Variants in PRPF40B observed in about 807,000 individuals in gnomAD.
PRPF40B encodes the protein pre-mRNA-processing factor 40 homolog B.
A neutral mutation model predicts 124.5 loss-of-function variants in PRPF40B; 56 were observed. The ratio of observed to expected loss-of-function variants is 0.45; its 90% confidence interval spans 0.36 to 0.56. PRPF40B has a LOEUF of 0.56. Among genes scored for constraint, PRPF40B ranks in the 20% least tolerant of loss-of-function variants. PRPF40B has a pLI of 0.00. For missense variants in PRPF40B, 1,053 were observed against 1,169.5 expected (o/e 0.90, Z 1.45); for synonymous variants, 443 against 426.4 (o/e 1.04, Z -0.48).
chr12:49,634,020 A>G lies in PRPF40B; in HGVS notation c.740A>G (p.Asp247Gly), dbSNP rs978697872. Residue 247 changes from aspartate to glycine, a missense_variant, in exon 10 of 26, where the codon GAT (aspartate) becomes GGT (glycine). Transcript: ENST00000548825. ...GAACCTGAGCCAGGTGGGAGTGAAGATTGTGATGTGTTGGAGGCCACCCAG... is the reference window on the plus strand; with the variant it reads ...GAACCTGAGCCAGGTGGGAGTGAAGGTTGTGATGTGTTGGAGGCCACCCAG... ...LLEPEPGGSE[D>G]CDVLEATQPL... The G allele has an allele frequency of 2.5e-5, 41 of 1,613,882 alleles. No individual in the cohort carries two copies. Among genetic ancestry groups the G allele is most frequent in the Non-Finnish European group, 3.5e-5 (41 of 1,179,960 alleles).
upstream of PRPF40B, among the ~76,000 whole-genome samples, chr12:49,623,241 T>C (rs1415545973): frequency 6.6e-6 from 1 of 151,834 alleles, no homozygotes; most frequent in Non-Finnish European, 1.5e-5. Context: ...CTTCGGCTCC[T>C]GGAGCGCCGG....
intron 1 of PRPF40B, chr12:49,624,239 T>C: frequency 2.3e-6 from 2 of 879,214 alleles, no homozygotes; most frequent in Non-Finnish European, 2.7e-6. Flanking sequence ...TGCATGAAAA[T>C]TAAATCCCAG....
chr12:49,640,207 T>A (rs1428755026), intron 18 of PRPF40B: 2 of 152,200 alleles, frequency 1.3e-5, no homozygotes, highest in East Asian at 3.8e-4. Flanking sequence ...GGCAGACAGA[T>A]CCGGGTCAGG....
In PRPF40B at chr12:49,643,761, A is replaced by C; in HGVS notation, c.2442+9A>C. 6.2e-7 allele frequency: 1 copy of C among 1,613,968 alleles called. No homozygotes were observed. Among genetic ancestry groups the C allele is most frequent in the African/African-American group, 1.3e-5 (1 of 74,994 alleles). ...AGAGAAGACACAAGTCGGTGAGTGA[A>C]GGAACTTCTACCTAAGCCCCTGCTA... On this transcript the variant is annotated intron_variant, in intron 24 of 25. Coordinates refer to ENST00000548825, the MANE Select transcript of PRPF40B (RefSeq NM_001031698.3).
At chr12:49,640,225 A>G (rs541032868) in intron 18 of PRPF40B, 1 of 152,372 alleles carries the variant, frequency 6.6e-6, no homozygotes, top group African/African-American at 2.4e-5. Flanking sequence ...AGGGAGATCC[A>G]TGGAGGATGC....
At chr12:49,625,038 C>CT (rs201124394) in intron 1 of PRPF40B, among the ~76,000 whole-genome samples, 20 of 151,820 alleles carry the variant, frequency 1.3e-4, no homozygotes, top group East Asian at 3.9e-4. Flanking sequence ...GTCTCTCAGC[C>CT]TTTTTTTTGA....
intron 12 of PRPF40B, 163 bp downstream of exon 12, chr12:49,634,765 A>G: frequency 2.6e-6 from 2 of 765,500 alleles, no homozygotes; most frequent in Non-Finnish European, 4.2e-6. Context: ...GGCCTCCAGG[A>G]GAAGGAAAGG....
Position 49,635,868 on chromosome 12 carries a change from G to A in PRPF40B, c.1301G>A (p.Arg434His), listed in dbSNP as rs145239236. 5.3e-5 allele frequency: 86 copies of A among 1,613,888 alleles called. No homozygotes were observed. The highest frequency in any genetic ancestry group is 1.2e-4 in the African/African-American group (9 of 74,964). ...EKEQAKQLRR[R>H]NIQALKSILD... is the part of the protein sequence containing the mutation. ...GAACAGGCCAAGCAGCTCCGGCGCC[G>A]CAATATCCAGGCCCTAAAGAGCATC... The change falls in exon 15 of 26, where the codon CGC becomes CAC. Residue 434 changes from arginine to histidine, a missense_variant. By Grantham distance (29) the Arg-to-His change is conservative. Transcript: ENST00000548825. This position sits in a 1 kb window ranked among gnomAD's most constrained non-coding sequence, Gnocchi z 4.1.
intron 1 of PRPF40B, among the ~76,000 whole-genome samples, chr12:49,624,567 G>C (rs1009228170): frequency 3.9e-5 from 6 of 152,180 alleles, no homozygotes; most frequent in African/African-American, 1.2e-4. Flanking sequence ...GAAGCAACAG[G>C]GGCCGGGCGC....
Position 49,635,339 on chromosome 12 carries a change from C to T in PRPF40B, c.1167-26C>T. 1 of 1,610,012 alleles carries T rather than the reference C, an allele frequency of 6.2e-7. No individual in the cohort carries two copies. Among genetic ancestry groups the T allele is most frequent in the South Asian group, 1.1e-5 (1 of 90,408 alleles). On this transcript the variant is annotated intron_variant, in intron 13 of 25. Coordinates refer to ENST00000548825, the MANE Select transcript of PRPF40B (RefSeq NM_001031698.3). This position sits in a 1 kb window ranked among gnomAD's most constrained non-coding sequence, Gnocchi z 4.1. ...TCCAGGGTCTCTGTTCTCTGTCTAC[C>T]TACTCACAGCTTATATGCTCCACAG...
chr12:49,623,579 G>C lies in PRPF40B; in HGVS notation c.-12G>C. The stretch of plus-strand genomic sequence containing the variant: ...GTGGGCTGAGCCGGCCCAGCTGCTC[G>C]GAGGCTCTGGCATGGTAACATCCCC... On this transcript the variant is annotated 5_prime_UTR_variant, in exon 1 of 26. Transcript: ENST00000548825. The C allele has an allele frequency of 8.1e-7, 1 of 1,235,954 alleles. No homozygotes were observed. The highest frequency in any genetic ancestry group is 1.0e-6 in the Non-Finnish European group (1 of 990,346). 76.6% of individuals were successfully genotyped at this position (1,235,954 alleles called of 1,614,324 possible).
At chr12:49,623,865 G>C in intron 1 of PRPF40B, 1 of 1,174,580 alleles carries the variant, frequency 8.5e-7, no homozygotes, top group Non-Finnish European at 1.1e-6. Flanking sequence ...TGGGAGAGGT[G>C]GGGGTGGGTT....
chr12:49,632,558 C>A, intron 4 of PRPF40B, 38 bp from the exon 5 acceptor site: 1 of 1,609,940 alleles, frequency 6.2e-7, no homozygotes, highest in South Asian at 1.1e-5. Flanking sequence ...GGCCACTGGG[C>A]TTGGCCCCAA....
chr12:49,636,201 G>T (rs1941783663), intron 15 of PRPF40B, among the ~76,000 whole-genome samples: 1 of 152,146 alleles, frequency 6.6e-6, no homozygotes, highest in African/African-American at 2.4e-5. Flanking sequence ...TCCACTCTTG[G>T]CCTAGACATT....
chr12:49,630,644 C>A lies in PRPF40B; in HGVS notation c.84+19C>A. 1 of 1,208,482 alleles carries A rather than the reference C, an allele frequency of 8.3e-7. No individual in the cohort carries two copies. Among genetic ancestry groups the A allele is most frequent in the South Asian group, 1.2e-5 (1 of 81,340 alleles). The allele number at this position is 1,208,482 out of a possible 1,614,324, so 74.9% of individuals were successfully genotyped here. A position where few individuals can be genotyped will look rare whatever the true frequency, so the allele number is the denominator to read the frequency against. The stretch of plus-strand genomic sequence containing the variant: ...ACCCTTCGTAAGTTTTATGTCTTTC[C>A]CTGGGCTTGGCTTTTCCAGCCTGCA... On this transcript the variant is annotated intron_variant, in intron 2 of 25. Transcript: ENST00000548825.
At chr12:49,641,608 G>C (rs1198841034) in intron 18 of PRPF40B, 1 of 373,166 alleles carries the variant, frequency 2.7e-6, no homozygotes, top group Non-Finnish European at 4.9e-6. Flanking sequence ...CCCAGCTGGG[G>C]CCAGAGCTTT....
At chr12:49,627,951 T>A (rs1940873837) in intron 1 of PRPF40B, among the ~76,000 whole-genome samples, 1 of 152,096 alleles carries the variant, frequency 6.6e-6, no homozygotes, top group Non-Finnish European at 1.5e-5. Context: ...AGGTTTCCAT[T>A]TGGACAATTG....
rs373588661 is a variant in PRPF40B, at chr12:49,642,256, C to G, written c.1906C>G (p.Arg636Gly). 1 of 1,614,108 alleles carries G rather than the reference C, an allele frequency of 6.2e-7. No individual in the cohort carries two copies. The highest frequency in any genetic ancestry group is 1.1e-5 in the South Asian group (1 of 91,086). ...FNSLLEKAEAREREREKEEAR... is the reference protein window; with the variant it reads ...FNSLLEKAEAGEREREKEEAR... ...TCAGCTGCTGGAGAAAGCAGAGGCA[C>G]GGGAGAGGGAGCGGGAGAAGGAGGA... Residue 636 changes from arginine to glycine, a missense_variant, in exon 20 of 26, where the codon CGG becomes GGG. Around this residue, in one of 2 missense-constraint regions of PRPF40B, gnomAD observed 895 missense variants for 1,052.2 expected, o/e 0.85. Coordinates refer to ENST00000548825, the MANE Select transcript of PRPF40B (RefSeq NM_001031698.3). This position sits in a 1 kb window ranked among gnomAD's most constrained non-coding sequence, Gnocchi z 5.8.
Position 49,631,803 on chromosome 12 carries a change from C to T in PRPF40B, c.229-57C>T. 6.6e-7 allele frequency: 1 copy of T among 1,510,012 alleles called. No individual in the cohort carries two copies. The highest frequency in any genetic ancestry group is 1.4e-5 in the African/African-American group (1 of 72,790). 93.5% of individuals were successfully genotyped at this position (1,510,012 alleles called of 1,614,324 possible). A position where few individuals can be genotyped will look rare whatever the true frequency, so the allele number is the denominator to read the frequency against. On this transcript the variant is annotated intron_variant, in intron 3 of 25. Coordinates refer to ENST00000548825, the MANE Select transcript of PRPF40B (RefSeq NM_001031698.3). This position sits in a 1 kb window ranked among gnomAD's most constrained non-coding sequence, Gnocchi z 4.3. Reference sequence around the variant, plus strand: ...CTCAGGACCCTTTGAGGTACCCTGTCCCTCCTGTTCCAGCCCTTACCTTGG... The same window carrying T: ...CTCAGGACCCTTTGAGGTACCCTGTTCCTCCTGTTCCAGCCCTTACCTTGG...
Sources: gnomAD v4.1 joint callset for allele counts (sites outside exome capture counted in the v4.1 genomes callset) on GRCh38, gnomAD v4.1.1 for gene constraint, gnomAD v4.1.1 regional missense constraint, Gnocchi (gnomAD v3.1) non-coding constraint, MANE v1.5 for transcripts, NCBI Gene and HGNC (gene_info 2026-07-23, HGNC 2026-07-21) for gene names.